Variants in ARHGAP26 observed in about 807,000 individuals in gnomAD.
ARHGAP26 encodes the protein Rho GTPase activating protein 26.
In ARHGAP26, 38 loss-of-function variants were observed where a neutral mutation model predicts 104.8. The observed-to-expected ratio is 0.36, with a 90% CI of 0.28 to 0.48. The LOEUF is 0.48. ARHGAP26 is among the 20% of genes least tolerant of loss of function. The pLI is 0.99. For missense variants in ARHGAP26, 704 were observed against 947.9 expected (o/e 0.74, Z 3.38); for synonymous variants, 341 against 340.0 (o/e 1.00, Z -0.03).
chr5:143,037,397 A>C, intron 13 of ARHGAP26, 136 bp downstream of exon 13: 1 of 604,862 alleles, frequency 1.7e-6, no homozygotes, highest in Non-Finnish European at 2.6e-6. Context: ...GGATTTCCAC[A>C]AGTCTTGTTG....
At chr5:143,031,289 T>TA (rs1273562691) in intron 12 of ARHGAP26, among the ~76,000 whole-genome samples, 1 of 152,194 alleles carries the variant, frequency 6.6e-6, no homozygotes, top group East Asian at 1.9e-4. Context: ...AGGGAGGTGA[T>TA]ATGCTCTGAT....
intron 11 of ARHGAP26, among the ~76,000 whole-genome samples, chr5:143,005,940 A>G (rs1777890491): frequency 6.6e-6 from 1 of 152,122 alleles, no homozygotes; most frequent in Admixed American, 6.5e-5. Flanking sequence ...CTCGGCACCA[A>G]CAGGTACAGA....
chr5:143,103,018 C>G lies in ARHGAP26; in HGVS notation c.1539-17970C>G, dbSNP rs148054764. The stretch of plus-strand genomic sequence containing the variant: ...CTTCACAGGGGGGATCTGACATCTC[C>G]CAACTATTTTTCTTCCCCATGAAAA... On this transcript the variant is annotated intron_variant, in intron 17 of 22. Transcript: ENST00000645722. Among the ~76,000 whole-genome samples the G allele has an allele frequency of 1.1e-4, 16 of 152,096 alleles. 1 individual carries two copies. The East Asian group carries it at 2.9e-3, about 28-fold the overall frequency.
chr5:143,041,301 A>G (rs1783433093), intron 13 of ARHGAP26, among the ~76,000 whole-genome samples: 1 of 152,190 alleles, frequency 6.6e-6, no homozygotes, highest in African/African-American at 2.4e-5. Flanking sequence ...TTGATAAAGA[A>G]TATTTGTATT....
At chr5:142,982,753 A>C (rs1562201686) in intron 11 of ARHGAP26, among the ~76,000 whole-genome samples, 1 of 152,198 alleles carries the variant, frequency 6.6e-6, no homozygotes, top group Non-Finnish European at 1.5e-5. Flanking sequence ...ACTAGCTCCA[A>C]ATCACAAGCT....
chr5:142,819,078 A>G (rs1765635548), intron 1 of ARHGAP26, among the ~76,000 whole-genome samples: 1 of 152,148 alleles, frequency 6.6e-6, no homozygotes, highest in African/African-American at 2.4e-5. Context: ...GTTTATTGCT[A>G]GGTTACTGGG....
At chr5:142,846,916 G>C (rs932885354) in intron 1 of ARHGAP26, among the ~76,000 whole-genome samples, 4 of 152,214 alleles carry the variant, frequency 2.6e-5, no homozygotes, top group Non-Finnish European at 5.9e-5. Context: ...ACCACTCGGT[G>C]TGCTAAGGAC....
At chr5:142,981,389 G>A (rs1773918001) in intron 11 of ARHGAP26, among the ~76,000 whole-genome samples, 1 of 152,200 alleles carries the variant, frequency 6.6e-6, no homozygotes, top group East Asian at 1.9e-4. Flanking sequence ...CATGAACAGA[G>A]CATTAACAAC....
chr5:142,867,288 GGTGT>G (rs70991782), intron 1 of ARHGAP26, among the ~76,000 whole-genome samples: 25,446 of 143,518 alleles, frequency 0.18, 2,392 homozygotes, highest in East Asian at 0.29. Context: ...ATTTGCACAG[GGTGT>G]GTGTGTGTGT....
intron 13 of ARHGAP26, among the ~76,000 whole-genome samples, chr5:143,038,136 G>A (rs1177365896): frequency 6.6e-6 from 1 of 152,196 alleles, no homozygotes; most frequent in African/African-American, 2.4e-5. Flanking sequence ...CGTTGTCAGA[G>A]ATGTGAATCT....
intron 2 of ARHGAP26, chr5:142,874,803 C>T: frequency 3.8e-6 from 1 of 265,252 alleles, no homozygotes; most frequent in Non-Finnish European, 7.1e-6. Flanking sequence ...CGGAACTCTG[C>T]CCCTTCCAGC....
intron 14 of ARHGAP26, among the ~76,000 whole-genome samples, chr5:143,044,035 C>A (rs779007000): frequency 6.6e-6 from 1 of 152,040 alleles, no homozygotes; most frequent in African/African-American, 2.4e-5. Flanking sequence ...CTAAGGTGGT[C>A]TTTTTTGTTG....
intron 1 of ARHGAP26, among the ~76,000 whole-genome samples, chr5:142,779,544 T>C (rs966527966): frequency 2.0e-5 from 3 of 152,232 alleles, no homozygotes; most frequent in African/African-American, 4.8e-5. Context: ...AGCTACTCTT[T>C]GACTCTTGCT....
intron 4 of ARHGAP26, among the ~76,000 whole-genome samples, chr5:142,883,465 G>A (rs1757284812): frequency 6.6e-6 from 1 of 152,178 alleles, no homozygotes; most frequent in African/African-American, 2.4e-5. Flanking sequence ...AATTGTTCTT[G>A]TATGTGAACA....
At chr5:143,041,150 G>A (rs1238843179) in intron 13 of ARHGAP26, among the ~76,000 whole-genome samples, 2 of 152,190 alleles carry the variant, frequency 1.3e-5, no homozygotes, top group Non-Finnish European at 2.9e-5. Flanking sequence ...TGGTACAGTG[G>A]TGATCTAATC....
Position 142,801,078 on chromosome 5 carries a change from A to C in ARHGAP26, c.154+30163A>C, listed in dbSNP as rs143293441. On this transcript the variant is annotated intron_variant, in intron 1 of 22. Transcript: ENST00000645722. ...CGTTTCCTGTTCTTGAGGCATCTTT[A>C]ACTGCATGATGGTGGCTATGTGGTT... Among the ~76,000 whole-genome samples, 63 of 152,206 alleles carry C rather than the reference A, an allele frequency of 4.1e-4. 1 individual carries two copies. Among genetic ancestry groups the C allele is most frequent in the African/African-American group, 1.5e-3 (63 of 41,530 alleles).
chr5:142,986,517 C>T (rs1280448608), intron 11 of ARHGAP26, among the ~76,000 whole-genome samples: 1 of 152,172 alleles, frequency 6.6e-6, no homozygotes, highest in Non-Finnish European at 1.5e-5. Context: ...AATTAGATCC[C>T]ATTTGTCAAT....
intron 17 of ARHGAP26, among the ~76,000 whole-genome samples, chr5:143,117,976 C>T (rs974245628): frequency 6.6e-5 from 10 of 152,198 alleles, no homozygotes; most frequent in Non-Finnish European, 1.5e-4. Flanking sequence ...AAATAAAATA[C>T]CATACTTCCT....
At chr5:142,777,913 A>G (rs370894781) in intron 1 of ARHGAP26, among the ~76,000 whole-genome samples, 2 of 152,358 alleles carry the variant, frequency 1.3e-5, no homozygotes, top group African/African-American at 2.4e-5. Context: ...AGGCTGTGCC[A>G]TGATCGTACT....
Sources: allele counts gnomAD v4.1 joint callset (sites outside exome capture counted in the v4.1 genomes callset), GRCh38; gene constraint gnomAD v4.1.1; transcripts MANE v1.5; gene names NCBI Gene and HGNC (gene_info 2026-07-23, HGNC 2026-07-21).